The following NBAS variants were observed in gnomAD, a reference collection of about 807,000 sequenced individuals.
NBAS encodes the protein NBAS subunit of NRZ tethering complex.
A neutral mutation model predicts 302.5 loss-of-function variants in NBAS; 219 were observed. That is an observed-to-expected ratio of 0.72 (90% CI 0.65 to 0.81). The LOEUF (loss-of-function observed/expected upper bound fraction) is 0.81. NBAS is among the 30% of genes least tolerant of loss of function. The pLI, the probability that NBAS is intolerant of heterozygous loss-of-function variation, is 0.00. For missense variants in NBAS, 2,932 were observed against 2,841.6 expected (o/e 1.03, Z -0.72); for synonymous variants, 1,118 against 1,021.6 (o/e 1.09, Z -1.80).
Position 15,417,703 on chromosome 2 carries a change from C to A in NBAS, c.2587G>T (p.Ala863Ser), listed in dbSNP as rs1487515114. ...IEHYARQVDC[A>S]LSLIRLGMER... is the part of the protein sequence containing the mutation. ...ATCCCAAGTCGAATAAGTGACAATG[C>A]ACAGTCCACCTAAAATTGAAAAGCA... The change falls in exon 24 of 52, where the codon GCA (alanine) becomes TCA (serine). Residue 863 changes from alanine (A) to serine (S), a missense_variant. By Grantham distance (99) the Ala-to-Ser change is moderately conservative (BLOSUM62 1). Transcript: ENST00000281513. The A allele has an allele frequency of 1.2e-6, 2 of 1,613,766 alleles. No homozygotes were observed. Among genetic ancestry groups the A allele is most frequent in the South Asian group, 1.1e-5 (1 of 91,044 alleles).
chr2:15,064,329 G>A, the NBAS span, among the ~76,000 whole-genome samples: 7 of 144,002 alleles, frequency 4.9e-5, no homozygotes, highest in African/African-American at 1.3e-4. Flanking sequence ...AATCAGAAAC[G>A]AGGAGACATT....
At chr2:15,070,390 C>A in the NBAS span, among the ~76,000 whole-genome samples, 1 of 151,942 alleles carries the variant, frequency 6.6e-6, no homozygotes, top group Non-Finnish European at 1.5e-5. Context: ...GACCCCACAG[C>A]TCCTGCCCCT....
At chr2:15,525,349 G>A (rs1662869070) in intron 9 of NBAS, among the ~76,000 whole-genome samples, 1 of 152,138 alleles carries the variant, frequency 6.6e-6, no homozygotes, top group African/African-American at 2.4e-5. Context: ...ACTATGGTCT[G>A]TGCCCAGTAC....
At chr2:14,836,497 A>C in the NBAS span, among the ~76,000 whole-genome samples, 9 of 151,954 alleles carry the variant, frequency 5.9e-5, no homozygotes, top group East Asian at 9.7e-4. Flanking sequence ...CTTTTCTCCC[A>C]TGTGGATATC....
chr2:15,146,422 A>G, the NBAS span, among the ~76,000 whole-genome samples: 4 of 152,268 alleles, frequency 2.6e-5, no homozygotes, highest in Admixed American at 2.0e-4. Flanking sequence ...AACCTTTGTG[A>G]TGATGGACTG....
chr2:15,446,129 A>C (rs2148527241), intron 21 of NBAS, among the ~76,000 whole-genome samples: 1 of 152,144 alleles, frequency 6.6e-6, no homozygotes, highest in South Asian at 2.1e-4. Context: ...CAAGGAAGGG[A>C]AAAAAATATT....
the NBAS span, among the ~76,000 whole-genome samples, chr2:15,076,027 A>T: frequency 6.6e-6 from 1 of 152,206 alleles, no homozygotes. Flanking sequence ...GTCTCCAAAC[A>T]ATTATTTGAG....
At chr2:14,874,247 T>C in the NBAS span, among the ~76,000 whole-genome samples, 1 of 152,140 alleles carries the variant, frequency 6.6e-6, no homozygotes, top group Non-Finnish European at 1.5e-5. Context: ...ATAGTAATTC[T>C]ACATATGTTT....
chr2:15,428,504 A>G (rs1677590092), intron 21 of NBAS, among the ~76,000 whole-genome samples: 1 of 152,100 alleles, frequency 6.6e-6, no homozygotes, highest in African/African-American at 2.4e-5. Context: ...CCAAGGAGGG[A>G]GGACTGCTTG....
At chr2:15,439,722 C>T (rs1003591862) in intron 21 of NBAS, among the ~76,000 whole-genome samples, 7 of 152,308 alleles carry the variant, frequency 4.6e-5, no homozygotes, top group South Asian at 2.1e-4. Flanking sequence ...ACTCGGGAAG[C>T]GCAAGGGGTC....
chr2:15,380,577 AAG>A lies in NBAS; in HGVS notation c.3361-748_3361-747del, dbSNP rs1349088867. Among the ~76,000 whole-genome samples the A allele has an allele frequency of 3.3e-5, 3 of 90,376 alleles. No homozygotes were observed. The East Asian group carries it at 6.2e-4, about 19-fold the overall frequency. 59.3% of individuals were successfully genotyped at this position (90,376 alleles called of 152,430 possible). A position where few individuals can be genotyped will look rare whatever the true frequency, so the allele number is the denominator to read the frequency against. On this transcript the variant is annotated intron_variant, in intron 29 of 51. Transcript: ENST00000281513. Reference sequence around the variant, plus strand: ...ATATTAAAAATTATTTAAATAAAACAAGAGACACTGAAGGTATTCATACAAAT... The same window carrying A: ...ATATTAAAAATTATTTAAATAAAACAAGACACTGAAGGTATTCATACAAAT...
At chr2:14,813,044 T>C in the NBAS span, among the ~76,000 whole-genome samples, 1 of 152,196 alleles carries the variant, frequency 6.6e-6, no homozygotes. Context: ...CCTTCTGCCA[T>C]GATTGTAAGT....
At chr2:14,945,752 A>G in the NBAS span, among the ~76,000 whole-genome samples, 2 of 152,174 alleles carry the variant, frequency 1.3e-5, no homozygotes, top group Non-Finnish European at 2.9e-5. Flanking sequence ...GAGAAAAAAG[A>G]AAAGGAATGA....
At chr2:15,111,047 T>A in the NBAS span, among the ~76,000 whole-genome samples, 20 of 152,130 alleles carry the variant, frequency 1.3e-4, no homozygotes, top group African/African-American at 4.8e-4. Context: ...ATAGTTAGGA[T>A]AATAAATACT....
chr2:15,122,478 T>C, the NBAS span, among the ~76,000 whole-genome samples: 1 of 152,274 alleles, frequency 6.6e-6, no homozygotes, highest in Non-Finnish European at 1.5e-5. Context: ...AAGGGGTTGG[T>C]GCTTCGTTCA....
the NBAS span, among the ~76,000 whole-genome samples, chr2:15,139,749 C>A: frequency 1.1e-4 from 16 of 152,230 alleles, no homozygotes; most frequent in Non-Finnish European, 1.6e-4. Flanking sequence ...ATAGAAGATA[C>A]GAGACAGGCA....
At chr2:15,279,151 T>C (rs781395488) in intron 42 of NBAS, among the ~76,000 whole-genome samples, 38 of 152,228 alleles carry the variant, frequency 2.5e-4, no homozygotes, top group Non-Finnish European at 4.6e-4. Flanking sequence ...AGGAATCTTA[T>C]TGACAAAGAT....
chr2:14,966,760 C>A, the NBAS span, among the ~76,000 whole-genome samples: 1 of 152,278 alleles, frequency 6.6e-6, no homozygotes, highest in East Asian at 1.9e-4. Flanking sequence ...TGTCCACTCT[C>A]GCCGTTTCTA....
intron 32 of NBAS, among the ~76,000 whole-genome samples, chr2:15,363,756 T>G (rs1177952901): frequency 1.3e-5 from 2 of 152,206 alleles, no homozygotes; most frequent in African/African-American, 4.8e-5. Flanking sequence ...ATCTTAAAGT[T>G]CAAAGTTATT....
Sources: allele counts gnomAD v4.1 joint callset (sites outside exome capture counted in the v4.1 genomes callset), GRCh38; gene constraint gnomAD v4.1.1; transcripts MANE v1.5; gene names NCBI Gene and HGNC (gene_info 2026-07-23, HGNC 2026-07-21).